The following CACNB2 variants were observed in gnomAD, a reference collection of about 807,000 sequenced individuals.
CACNB2 encodes voltage-dependent L-type calcium channel subunit beta-2.
Under a neutral mutation model 73.3 loss-of-function variants are expected in CACNB2, and 42 were observed. The ratio of observed to expected loss-of-function variants is 0.57; its 90% CI spans 0.45 to 0.74. The LOEUF is 0.74. Among genes scored for constraint, CACNB2 ranks in the 30% least tolerant of loss-of-function variants. The pLI, the probability that CACNB2 is intolerant of heterozygous loss-of-function variation, is 0.00. For missense variants in CACNB2, 940 were observed against 853.0 expected (o/e 1.10, Z -1.27); for synonymous variants, 348 against 310.3 (o/e 1.12, Z -1.28).
chr10:18,510,248 G>T (rs2050694298), intron 6 of CACNB2, among the ~76,000 whole-genome samples: 1 of 152,190 alleles, frequency 6.6e-6, no homozygotes, highest in Non-Finnish European at 1.5e-5. Context: ...CAGGCTATGT[G>T]TGTGGAAAGC....
At chr10:18,536,309 A>AGT in intron 12 of CACNB2, 113 bp downstream of exon 12, 1 of 609,360 alleles carries the variant, frequency 1.6e-6, no homozygotes, top group Non-Finnish European at 2.7e-6. Flanking sequence ...CCATGTTGGG[A>AGT]GTGCAGTGGT....
At chr10:18,178,545 T>C (rs931703994) in intron 2 of CACNB2, among the ~76,000 whole-genome samples, 5 of 151,926 alleles carry the variant, frequency 3.3e-5, no homozygotes, top group Admixed American at 1.3e-4. Context: ...ATTTTTATTA[T>C]TTTTTTTAGC....
intron 2 of CACNB2, among the ~76,000 whole-genome samples, chr10:18,245,872 C>T (rs754937697): frequency 4.6e-5 from 7 of 152,108 alleles, no homozygotes; most frequent in Non-Finnish European, 1.0e-4. Flanking sequence ...TCTGACCTTG[C>T]TTTTAAATGT....
At chr10:18,395,516 C>T (rs1443647678) in intron 2 of CACNB2, among the ~76,000 whole-genome samples, 1 of 152,022 alleles carries the variant, frequency 6.6e-6, no homozygotes, top group Non-Finnish European at 1.5e-5. Context: ...TTTTTACAGC[C>T]CTGTTTTCAG....
chr10:18,305,356 T>C (rs1393472141), intron 2 of CACNB2, among the ~76,000 whole-genome samples: 1 of 152,218 alleles, frequency 6.6e-6, no homozygotes, highest in Non-Finnish European at 1.5e-5. Flanking sequence ...AGCAGATCCT[T>C]TTTGAAATAA....
intron 2 of CACNB2, among the ~76,000 whole-genome samples, chr10:18,315,357 CA>C (rs146127351): frequency 1.6e-5 from 2 of 125,558 alleles, no homozygotes; most frequent in South Asian, 2.4e-4. Context: ...CAAAACAAAA[CA>C]AAACAAAAAC....
intron 2 of CACNB2, among the ~76,000 whole-genome samples, chr10:18,306,143 G>T (rs1258253362): frequency 6.6e-6 from 1 of 152,144 alleles, no homozygotes; most frequent in African/African-American, 2.4e-5. Context: ...TGGGAGAGGA[G>T]TTTCAAGAGG....
intron 2 of CACNB2, among the ~76,000 whole-genome samples, chr10:18,251,778 G>A (rs1190212520): frequency 2.0e-5 from 3 of 152,192 alleles, no homozygotes; most frequent in Non-Finnish European, 2.9e-5. Context: ...AGGGGACAGA[G>A]AGCGCGAAGA....
intron 2 of CACNB2, among the ~76,000 whole-genome samples, chr10:18,379,396 T>G (rs2042924674): frequency 6.6e-6 from 1 of 151,996 alleles, no homozygotes; most frequent in African/African-American, 2.4e-5. Flanking sequence ...TATTTTTTGG[T>G]AGAGACATGG....
intron 3 of CACNB2, among the ~76,000 whole-genome samples, chr10:18,494,631 CAAAAAAAAA>C (rs909672661): frequency 1.1e-4 from 7 of 61,826 alleles, no homozygotes; most frequent in African/African-American, 3.3e-4. Context: ...GACTCCGTCT[CAAAAAAAAA>C]AAAAAAAAAG....
chr10:18,309,692 T>C (rs2131878922), intron 2 of CACNB2, among the ~76,000 whole-genome samples: 1 of 152,044 alleles, frequency 6.6e-6, no homozygotes, highest in East Asian at 1.9e-4. Context: ...CTCCTGACCT[T>C]ATGATCCACC....
chr10:18,297,461 G>A (rs942556554), intron 2 of CACNB2, among the ~76,000 whole-genome samples: 3 of 152,168 alleles, frequency 2.0e-5, no homozygotes, highest in African/African-American at 7.2e-5. Flanking sequence ...AGGAGGCTGA[G>A]GAAGAAGGAT....
chr10:18,177,487 T>C (rs1387017007), intron 2 of CACNB2, among the ~76,000 whole-genome samples: 3 of 141,600 alleles, frequency 2.1e-5, no homozygotes. Context: ...AAAAAATAGC[T>C]GGGTGTGGTG....
At chr10:18,390,511 C>A (rs1009924609) in intron 2 of CACNB2, among the ~76,000 whole-genome samples, 2 of 152,202 alleles carry the variant, frequency 1.3e-5, no homozygotes, top group Middle Eastern at 3.2e-3. Context: ...GGGGCCCAGC[C>A]AACATGGTCT....
intron 2 of CACNB2, among the ~76,000 whole-genome samples, chr10:18,240,400 G>A (rs112252058): frequency 0.014 from 2,156 of 152,210 alleles, 35 homozygotes; most frequent in Admixed American, 0.048. Context: ...ATGTGATGGC[G>A]TACTCAAAAC....
chr10:18,422,438 A>G (rs1463813975), intron 3 of CACNB2, among the ~76,000 whole-genome samples: 1 of 152,240 alleles, frequency 6.6e-6, no homozygotes, highest in Non-Finnish European at 1.5e-5. Context: ...AATAAATGAT[A>G]TATGAAATGT....
At chr10:18,463,844 C>T (rs1369116296) in intron 3 of CACNB2, among the ~76,000 whole-genome samples, 2 of 152,110 alleles carry the variant, frequency 1.3e-5, no homozygotes, top group African/African-American at 4.8e-5. Context: ...CAAAACACCA[C>T]ATCCCAGCTC....
At chr10:18,245,249 T>G (rs949457904) in intron 2 of CACNB2, among the ~76,000 whole-genome samples, 11 of 152,190 alleles carry the variant, frequency 7.2e-5, no homozygotes, top group African/African-American at 2.4e-4. Flanking sequence ...TCTATGTGTC[T>G]TTTTTGTGTG....
At chr10:18,211,594 G>A (rs570157204) in intron 2 of CACNB2, among the ~76,000 whole-genome samples, 2 of 151,990 alleles carry the variant, frequency 1.3e-5, no homozygotes, top group African/African-American at 2.4e-5. Context: ...TATTATACAC[G>A]TGTATCTCTT....
Sources: gnomAD v4.1 joint callset for allele counts (sites outside exome capture counted in the v4.1 genomes callset) on GRCh38, gnomAD v4.1.1 for gene constraint, MANE v1.5 for transcripts, NCBI Gene and HGNC (gene_info 2026-07-23, HGNC 2026-07-21) for gene names.